PARD3: variants seen among roughly 807,000 people sequenced by gnomAD.
The protein encoded by PARD3 is partitioning defective 3 homolog.
Under a neutral mutation model 155.4 loss-of-function variants are expected in PARD3, and 75 were observed. The observed-to-expected ratio is 0.48, with a 90% confidence interval of 0.40 to 0.58. The LOEUF is 0.58. Ranked by LOEUF, PARD3 falls within the 20% of genes least tolerant of loss-of-function variation. The pLI, the probability that PARD3 is intolerant of heterozygous loss-of-function variation, is 0.00. For missense variants in PARD3, 1,642 were observed against 1,721.7 expected, an observed-to-expected ratio of 0.95 and a Z score of 0.82; for synonymous variants, 576 against 610.5, an observed-to-expected ratio of 0.94 and a Z score of 0.83.
chr10:34,416,270 A>G (rs1343568624), intron 5 of PARD3, among the ~76,000 whole-genome samples: 2 of 152,112 alleles, frequency 1.3e-5, no homozygotes, highest in African/African-American at 4.8e-5. Context: ...CAATAACCCA[A>G]ATCTTGTCAT....
chr10:34,722,063 G>A lies in PARD3; in HGVS notation c.121-25644C>T, dbSNP rs972556824. On this transcript the variant is annotated intron_variant, in intron 1 of 24. Transcript: ENST00000374788. ...AAAAATTAGCCAGGCATGGCGCCAC[G>A]TGCCTGTAGTCCCAGCTACTCCAGA... Among the ~76,000 whole-genome samples the A allele has an allele frequency of 3.3e-5, 5 of 152,142 alleles. No homozygotes were observed. The East Asian group carries it at 5.8e-4, about 18-fold the overall frequency.
In PARD3 at chr10:34,340,077, A is replaced by C. The variant is rs534299416; in HGVS notation, c.2408+1550T>G. On this transcript the variant is annotated intron_variant, in intron 16 of 24. Coordinates refer to ENST00000374788, the MANE Select transcript of PARD3 (RefSeq NM_001184785.2). ...CAGAACAGCTGGCATTCTTGTTTGG[A>C]TAACCCTTCATTCATATTATTTTCT... Among the ~76,000 whole-genome samples the C allele has an allele frequency of 6.2e-4, 95 of 152,284 alleles. 1 individual carries two copies. Among genetic ancestry groups the C allele is most frequent in the South Asian group, 3.3e-3 (16 of 4,826 alleles).
At chr10:34,306,684 G>T (rs1037159751) in intron 20 of PARD3, among the ~76,000 whole-genome samples, 1 of 152,086 alleles carries the variant, frequency 6.6e-6, no homozygotes, top group Non-Finnish European at 1.5e-5. Context: ...ATACCATGAC[G>T]TAGATCCATG....
intron 12 of PARD3, among the ~76,000 whole-genome samples, chr10:34,363,486 T>C (rs1408560558): frequency 6.6e-6 from 1 of 152,244 alleles, no homozygotes; most frequent in African/African-American, 2.4e-5. Flanking sequence ...CAGAAATTAA[T>C]GCCAGCTTTT....
intron 2 of PARD3, among the ~76,000 whole-genome samples, chr10:34,695,823 G>A (rs966447379): frequency 6.6e-6 from 1 of 151,744 alleles, no homozygotes; most frequent in African/African-American, 2.4e-5. Flanking sequence ...AGCTTCCTGA[G>A]GGCCAGGCCC....
chr10:34,473,175 T>C (rs2078469280), intron 3 of PARD3, among the ~76,000 whole-genome samples: 1 of 152,222 alleles, frequency 6.6e-6, no homozygotes, highest in Non-Finnish European at 1.5e-5. Context: ...GCCCTTCTTG[T>C]TAGTTCTTCC....
At chr10:34,530,075 A>G (rs2082739055) in intron 2 of PARD3, among the ~76,000 whole-genome samples, 1 of 152,156 alleles carries the variant, frequency 6.6e-6, no homozygotes, top group African/African-American at 2.4e-5. Flanking sequence ...GTGGACCATC[A>G]TAAAGGTCTT....
chr10:34,479,575 C>T (rs775711933), intron 3 of PARD3, among the ~76,000 whole-genome samples: 12 of 152,132 alleles, frequency 7.9e-5, no homozygotes, highest in Admixed American at 1.3e-4. Context: ...ACATTATTTC[C>T]GATAATATTC....
intron 2 of PARD3, among the ~76,000 whole-genome samples, chr10:34,542,387 CAAT>C (rs1317179393): frequency 1.3e-5 from 2 of 152,060 alleles, no homozygotes; most frequent in East Asian, 3.9e-4. Flanking sequence ...TAACTGGGGT[CAAT>C]ATTATTGACC....
intron 22 of PARD3, among the ~76,000 whole-genome samples, chr10:34,208,744 A>C (rs1053426949): frequency 6.6e-6 from 1 of 152,158 alleles, no homozygotes; most frequent in African/African-American, 2.4e-5. Context: ...CAAGGAGCCG[A>C]GGGCCATCAG....
At chr10:34,714,925 C>T (rs1294083695) in intron 1 of PARD3, among the ~76,000 whole-genome samples, 1 of 151,898 alleles carries the variant, frequency 6.6e-6, no homozygotes, top group Non-Finnish European at 1.5e-5. Flanking sequence ...TAGGCACGCA[C>T]CACCACAGCC....
Position 34,220,128 on chromosome 10 carries a change from T to G in PARD3, c.3419+49529A>C, listed in dbSNP as rs1227451106. Among the ~76,000 whole-genome samples, 4 of 152,304 alleles carry G rather than the reference T, an allele frequency of 2.6e-5. No homozygotes were observed. In the East Asian group the frequency reaches 7.7e-4, roughly 29 times the overall value. On this transcript the variant is annotated intron_variant, in intron 22 of 24. Transcript: ENST00000374788. ...TGAATTATTAACGCTGGGTTTCACC[T>G]TCCTTTTGTCCTCTTTATGGCATTC... is the stretch of plus-strand genomic sequence containing the variant.
At chr10:34,310,457 T>G (rs57177827) in intron 20 of PARD3, among the ~76,000 whole-genome samples, 2,409 of 152,328 alleles carry the variant, frequency 0.016, 72 homozygotes, top group African/African-American at 0.055. Context: ...AGGTTTGCTT[T>G]AGAGAGACTA....
At chr10:34,613,941 TC>T (rs2132646124) in intron 2 of PARD3, among the ~76,000 whole-genome samples, 1 of 152,278 alleles carries the variant, frequency 6.6e-6, no homozygotes, top group African/African-American at 2.4e-5. Context: ...ACTAACTTAT[TC>T]AAGATATAAA....
intron 1 of PARD3, among the ~76,000 whole-genome samples, chr10:34,795,272 C>T (rs11009939): frequency 0.35 from 53,721 of 152,046 alleles, 10,641 homozygotes; most frequent in African/African-American, 0.55. Context: ...ATTAAAATCA[C>T]GGCAGGTCCG....
intron 4 of PARD3, among the ~76,000 whole-genome samples, chr10:34,461,533 G>A (rs1048372012): frequency 1.3e-5 from 2 of 152,130 alleles, no homozygotes; most frequent in African/African-American, 4.8e-5. Context: ...TTGAACCCAG[G>A]AGGCAGAGGT....
chr10:34,638,511 C>G (rs556328248), intron 2 of PARD3, among the ~76,000 whole-genome samples: 1 of 152,190 alleles, frequency 6.6e-6, no homozygotes, highest in Non-Finnish European at 1.5e-5. Context: ...TGATAACTTT[C>G]ATGACAACAT....
At chr10:34,610,348 C>T (rs567111902) in intron 2 of PARD3, among the ~76,000 whole-genome samples, 3 of 152,084 alleles carry the variant, frequency 2.0e-5, no homozygotes, top group African/African-American at 4.8e-5. Flanking sequence ...CTGATACATA[C>T]AAAGAAAAAC....
intron 2 of PARD3, among the ~76,000 whole-genome samples, chr10:34,538,299 A>G (rs1366855559): frequency 6.6e-6 from 1 of 152,234 alleles, no homozygotes; most frequent in Admixed American, 6.5e-5. Flanking sequence ...AAGAAATCAG[A>G]GCACCTAGCA....
Sources: allele counts gnomAD v4.1 joint callset (sites outside exome capture counted in the v4.1 genomes callset), GRCh38; gene constraint gnomAD v4.1.1; transcripts MANE v1.5; gene names NCBI Gene and HGNC (gene_info 2026-07-23, HGNC 2026-07-21).